TMEM117: variants seen among roughly 807,000 people sequenced by gnomAD.
The protein encoded by TMEM117 is transmembrane protein 117.
In TMEM117, 27 loss-of-function variants were observed where a neutral mutation model predicts 52.4. The ratio of observed to expected loss-of-function variants is 0.51; its 90% CI spans 0.38 to 0.71. TMEM117 has a LOEUF of 0.71. TMEM117 is among the 30% of genes least tolerant of loss of function. The pLI, the probability that TMEM117 is intolerant of heterozygous loss-of-function variation, is 0.00. For missense variants in TMEM117, 556 were observed against 630.5 expected (o/e 0.88, Z 1.26); for synonymous variants, 215 against 206.3 (o/e 1.04, Z -0.36).
chr12:44,027,604 A>C (rs1946563198), intron 3 of TMEM117, among the ~76,000 whole-genome samples: 2 of 152,208 alleles, frequency 1.3e-5, no homozygotes, highest in Non-Finnish European at 2.9e-5. Context: ...TTTATGAGGA[A>C]TACTACATGA....
intron 3 of TMEM117, among the ~76,000 whole-genome samples, chr12:43,950,601 C>T (rs983773160): frequency 2.6e-5 from 4 of 151,694 alleles, no homozygotes; most frequent in South Asian, 2.1e-4. Flanking sequence ...AATAATTGGT[C>T]GCAGCCAATG....
chr12:44,120,251 TC>T (rs1222328556), intron 3 of TMEM117, among the ~76,000 whole-genome samples: 139 of 152,344 alleles, frequency 9.1e-4, no homozygotes, highest in Non-Finnish European at 1.9e-4. Context: ...TGTCTTCTAT[TC>T]TTAATTTTGG....
intron 4 of TMEM117, among the ~76,000 whole-genome samples, chr12:44,180,662 G>A (rs1949183627): frequency 6.6e-6 from 1 of 151,852 alleles, no homozygotes; most frequent in African/African-American, 2.4e-5. Flanking sequence ...TTTCACCCAT[G>A]TCCCTACAAA....
At chr12:44,162,790 T>C (rs931811753) in intron 4 of TMEM117, among the ~76,000 whole-genome samples, 1 of 152,212 alleles carries the variant, frequency 6.6e-6, no homozygotes, top group African/African-American at 2.4e-5. Context: ...ATAACACATG[T>C]AGTTGTGTGA....
chr12:44,304,554 G>A (rs1363930527), intron 6 of TMEM117, among the ~76,000 whole-genome samples: 1 of 152,148 alleles, frequency 6.6e-6, no homozygotes, highest in Non-Finnish European at 1.5e-5. Flanking sequence ...CACAGCTCCA[G>A]GACAGACTCC....
chr12:43,863,891 G>A (rs1031943735), intron 2 of TMEM117, among the ~76,000 whole-genome samples: 2 of 152,204 alleles, frequency 1.3e-5, no homozygotes, highest in African/African-American at 4.8e-5. Flanking sequence ...TTGCAGGGAG[G>A]TGTGGAGGGA....
chr12:44,016,603 A>C (rs1197255064), intron 3 of TMEM117, among the ~76,000 whole-genome samples: 1 of 152,220 alleles, frequency 6.6e-6, no homozygotes, highest in Non-Finnish European at 1.5e-5. Context: ...GAAACAATAC[A>C]TGACTTGACA....
intron 5 of TMEM117, among the ~76,000 whole-genome samples, chr12:44,276,597 A>G (rs79820931): frequency 0.011 from 1,643 of 152,224 alleles, 11 homozygotes; most frequent in African/African-American, 0.019. Context: ...TAATAACACT[A>G]TGTTGTATAC....
At chr12:43,966,671 T>A (rs1250173708) in intron 3 of TMEM117, among the ~76,000 whole-genome samples, 1 of 152,190 alleles carries the variant, frequency 6.6e-6, no homozygotes, top group Non-Finnish European at 1.5e-5. Context: ...TATTTTAAGA[T>A]AAAAGCTCTT....
rs114299642 is a variant in TMEM117, at chr12:44,013,250, G to A, written c.410+68908G>A. Among the ~76,000 whole-genome samples, 567 of 152,114 alleles carry A rather than the reference G, an allele frequency of 3.7e-3. 5 individuals carry two copies. Among genetic ancestry groups the A allele is most frequent in the African/African-American group, 0.013 (541 of 41,500 alleles). ...TCGCCATGTTGCCCAGGTTGGTCTCGAACTCCTGAGGTCAAGTGATCAGCC... is the reference window on the plus strand; with the variant it reads ...TCGCCATGTTGCCCAGGTTGGTCTCAAACTCCTGAGGTCAAGTGATCAGCC... On this transcript the variant is annotated intron_variant, in intron 3 of 7. Coordinates refer to ENST00000266534, the MANE Select transcript of TMEM117 (RefSeq NM_032256.3).
At chr12:44,021,099 G>C (rs958336832) in intron 3 of TMEM117, among the ~76,000 whole-genome samples, 4 of 152,106 alleles carry the variant, frequency 2.6e-5, no homozygotes, top group African/African-American at 9.7e-5. Flanking sequence ...AGATTTGTGT[G>C]TGTATATACG....
intron 6 of TMEM117, among the ~76,000 whole-genome samples, chr12:44,340,754 G>T (rs553011779): frequency 3.3e-5 from 5 of 152,154 alleles, no homozygotes; most frequent in African/African-American, 1.2e-4. Context: ...TGCTTACAGG[G>T]CATGTTTGAA....
chr12:44,082,006 A>G (rs1947489130), intron 3 of TMEM117, among the ~76,000 whole-genome samples: 1 of 151,788 alleles, frequency 6.6e-6, no homozygotes, highest in African/African-American at 2.4e-5. Flanking sequence ...ATAATATTAA[A>G]ATATTATTTA....
intron 2 of TMEM117, among the ~76,000 whole-genome samples, chr12:43,936,897 G>A (rs1944959922): frequency 6.6e-6 from 1 of 152,182 alleles, no homozygotes; most frequent in Non-Finnish European, 1.5e-5. Context: ...AGAAAACAAG[G>A]AGAATGGGTG....
At chr12:43,858,657 TTGTG>T (rs1333641349) in intron 2 of TMEM117, among the ~76,000 whole-genome samples, 1 of 152,192 alleles carries the variant, frequency 6.6e-6, no homozygotes, top group African/African-American at 2.4e-5. Flanking sequence ...TTATGATACT[TTGTG>T]TGTCGTTGAG....
the TMEM117 span, chr12:43,797,135 C>T: frequency 6.5e-7 from 1 of 1,544,840 alleles, no homozygotes; most frequent in Non-Finnish European, 8.8e-7. Flanking sequence ...ATTAGCATAT[C>T]AATACATAAA....
At chr12:44,067,761 T>G (rs2137973290) in intron 3 of TMEM117, among the ~76,000 whole-genome samples, 1 of 152,266 alleles carries the variant, frequency 6.6e-6, no homozygotes, top group Middle Eastern at 3.4e-3. Flanking sequence ...TTTGAAATGG[T>G]AAATGAGCAT....
intron 3 of TMEM117, among the ~76,000 whole-genome samples, chr12:44,007,955 T>C (rs1461986779): frequency 6.6e-6 from 1 of 152,218 alleles, no homozygotes; most frequent in African/African-American, 2.4e-5. Flanking sequence ...GTCTCGGTTA[T>C]GTCTCTATCA....
chr12:44,123,929 T>A (rs1948279747), intron 3 of TMEM117, among the ~76,000 whole-genome samples: 1 of 152,228 alleles, frequency 6.6e-6, no homozygotes. Flanking sequence ...TTTTTTCTAA[T>A]TCTGTGAATA....
Sources: gnomAD v4.1 joint callset for allele counts (sites outside exome capture counted in the v4.1 genomes callset) on GRCh38, gnomAD v4.1.1 for gene constraint, MANE v1.5 for transcripts, NCBI Gene and HGNC (gene_info 2026-07-23, HGNC 2026-07-21) for gene names.